The following GALNT12 variants were observed in gnomAD, a reference collection of about 807,000 sequenced individuals.
GALNT12 encodes the protein polypeptide N-acetylgalactosaminyltransferase 12.
In GALNT12, 45 loss-of-function variants were observed where a neutral mutation model predicts 55.5. The observed-to-expected ratio is 0.81, with a 90% CI of 0.64 to 1.04. The LOEUF (loss-of-function observed/expected upper bound fraction) is 1.04. Among genes scored for constraint, GALNT12 ranks in the 50% least tolerant of loss-of-function variants. GALNT12 has a pLI of 0.00. For missense variants in GALNT12, 709 were observed against 754.8 expected, an observed-to-expected ratio of 0.94 and a Z score of 0.71; for synonymous variants, 304 against 312.2, an observed-to-expected ratio of 0.97 and a Z score of 0.28.
rs936991784 is a variant in GALNT12 at position 98,849,071 on chromosome 9, C to A, written c.1725C>A (p.Phe575Leu). ...DCTNSDHQKW[F>L]FKERML ...CCAACTCGGATCATCAGAAATGGTT[C>A]TTCAAAGAGCGCATGTTATGAAGCC... The change falls in exon 10 of 10, where the codon TTC becomes TTA. Residue 575 changes from phenylalanine to leucine, a missense_variant. By Grantham distance (22) the Phe-to-Leu change is conservative (BLOSUM62 0). This residue lies in a region of GALNT12 where 262 missense variants were observed against 310.7 expected (regional missense o/e 0.84). Coordinates refer to ENST00000375011, the MANE Select transcript of GALNT12 (RefSeq NM_024642.5). 1 of 1,614,222 alleles carries A rather than the reference C, an allele frequency of 6.2e-7. No homozygotes were observed. The highest frequency in any genetic ancestry group is 8.5e-7 in the Non-Finnish European group (1 of 1,180,036).
chr9:98,836,416 G>T (rs1836146972), intron 5 of GALNT12, among the ~76,000 whole-genome samples: 1 of 152,190 alleles, frequency 6.6e-6, no homozygotes, highest in African/African-American at 2.4e-5. Context: ...TGCTGTGCTT[G>T]GTTGTCCCAT....
At chr9:98,840,221 C>A (rs2118471469) in intron 7 of GALNT12, 88 bp downstream of exon 7, 1 of 1,541,678 alleles carries the variant, frequency 6.5e-7, no homozygotes, top group Non-Finnish European at 8.9e-7. Context: ...AAGGCCACGT[C>A]ATGGGGAGCA....
chr9:98,841,971 C>A (rs759280625), intron 7 of GALNT12, among the ~76,000 whole-genome samples: 23 of 152,130 alleles, frequency 1.5e-4, no homozygotes, highest in Non-Finnish European at 2.5e-4. Flanking sequence ...AGCCACCATG[C>A]CCGGCCAAGG....
At chr9:98,842,120 T>C (rs1836305630) in intron 7 of GALNT12, among the ~76,000 whole-genome samples, 1 of 152,112 alleles carries the variant, frequency 6.6e-6, no homozygotes, top group Non-Finnish European at 1.5e-5. Context: ...TTTCTCTTCT[T>C]GAGTGTCATT....
chr9:98,841,878 A>G (rs570825646), intron 7 of GALNT12, among the ~76,000 whole-genome samples: 42 of 151,200 alleles, frequency 2.8e-4, no homozygotes, highest in African/African-American at 8.8e-4. Flanking sequence ...GGGTTTCACT[A>G]TGTTGGCCAG....
At chr9:98,837,550 C>T (rs970646220) in intron 6 of GALNT12, among the ~76,000 whole-genome samples, 2 of 152,164 alleles carry the variant, frequency 1.3e-5, no homozygotes, top group Admixed American at 6.5e-5. Context: ...GCTAACAGCA[C>T]GGTAACTCAT....
chr9:98,829,564 T>C (rs950754004), intron 3 of GALNT12, among the ~76,000 whole-genome samples: 1 of 151,862 alleles, frequency 6.6e-6, no homozygotes, highest in Non-Finnish European at 1.5e-5. Flanking sequence ...AACTGGTACG[T>C]CTTATTCATT....
chr9:98,830,286 C>T (rs1440651508), intron 3 of GALNT12, among the ~76,000 whole-genome samples: 1 of 152,176 alleles, frequency 6.6e-6, no homozygotes, highest in Non-Finnish European at 1.5e-5. Flanking sequence ...GAGTGGTAAC[C>T]CTTTCCATCC....
chr9:98,808,646 G>A (rs991558899), intron 1 of GALNT12, among the ~76,000 whole-genome samples: 2 of 152,212 alleles, frequency 1.3e-5, no homozygotes, highest in African/African-American at 2.4e-5. Flanking sequence ...GGCACGGGGT[G>A]GGAAGGGCTC....
chr9:98,846,736 T>C (rs1836425854), intron 9 of GALNT12, among the ~76,000 whole-genome samples: 1 of 151,644 alleles, frequency 6.6e-6, no homozygotes, highest in Non-Finnish European at 1.5e-5. Context: ...CATGCCCCTG[T>C]AGTCCCATCT....
rs1588436237 is a variant in GALNT12, at chr9:98,807,887, G to T, written c.189G>T (p.Pro63=). 8 of 1,112,248 alleles carry T rather than the reference G, an allele frequency of 7.2e-6. No individual in the cohort carries two copies. The highest frequency in any genetic ancestry group is 4.8e-5 in the East Asian group (1 of 20,956). The allele number at this position is 1,112,248 out of a possible 1,614,324, so 68.9% of individuals were successfully genotyped here. The change falls in exon 1 of 10, where the codon CCG becomes CCT. Residue 63 remains proline (P), a synonymous_variant. Transcript: ENST00000375011. ...PRTPRPGRRE[P]VMPRPPVPAN... ...CCCCGCGCCCCGGGCGGCGCGAGCC[G>T]GTCATGCCGCGGCCGCCGGTGCCGG...
intron 1 of GALNT12, among the ~76,000 whole-genome samples, chr9:98,815,204 C>A (rs140322521): frequency 6.6e-6 from 1 of 152,166 alleles, no homozygotes; most frequent in Non-Finnish European, 1.5e-5. Context: ...GATTTAAGAT[C>A]GTTTGACTTA....
At chr9:98,811,388 C>T (rs1212668636) in intron 1 of GALNT12, among the ~76,000 whole-genome samples, 3 of 152,188 alleles carry the variant, frequency 2.0e-5, no homozygotes, top group Admixed American at 1.3e-4. Context: ...ATCACTGTAA[C>T]ATCATTCTCA....
At chr9:98,813,831 A>G (rs1428634351) in intron 1 of GALNT12, among the ~76,000 whole-genome samples, 1 of 151,986 alleles carries the variant, frequency 6.6e-6, no homozygotes, top group Non-Finnish European at 1.5e-5. Flanking sequence ...CTTTTTATCA[A>G]GATTTTTTGG....
Position 98,823,436 on chromosome 9 carries a change from G to A in GALNT12, c.541+11G>A, listed in dbSNP as rs199886730. On this transcript the variant is annotated intron_variant, in intron 2 of 9. Coordinates refer to ENST00000375011, the MANE Select transcript of GALNT12 (RefSeq NM_024642.5). ...ACTACAGTGATAGAGGTGAGTCCCG[G>A]CCAGGGCTCTGGGAAGAGCCTGTCC... 7 of 1,613,124 alleles carry A rather than the reference G, an allele frequency of 4.3e-6. No homozygotes were observed. Among genetic ancestry groups the A allele is most frequent in the African/African-American group, 2.7e-5 (2 of 75,022 alleles).
At chr9:98,829,185 C>G (rs943415338) in intron 3 of GALNT12, among the ~76,000 whole-genome samples, 15 of 151,196 alleles carry the variant, frequency 9.9e-5, no homozygotes, top group African/African-American at 3.4e-4. Flanking sequence ...ATCTATCTAT[C>G]TATCTATCTA....
intron 2 of GALNT12, among the ~76,000 whole-genome samples, chr9:98,826,457 T>C (rs1232005167): frequency 6.6e-6 from 1 of 152,156 alleles, no homozygotes; most frequent in Admixed American, 6.5e-5. Context: ...TTTATTGAAA[T>C]ATATTCACAC....
rs1836491340 is a variant in GALNT12, at chr9:98,849,109, G to A, written c.*17G>A. ...ATGTTATGAAGCCTCGTGTATCAAG[G>A]AGCCCATCGAAGGAGACTGTGGAGC... On this transcript the variant is annotated 3_prime_UTR_variant, in exon 10 of 10. Coordinates refer to ENST00000375011, the MANE Select transcript of GALNT12 (RefSeq NM_024642.5). 2 of 1,613,916 alleles carry A rather than the reference G, an allele frequency of 1.2e-6. No individual in the cohort carries two copies. The highest frequency in any genetic ancestry group is 1.3e-5 in the African/African-American group (1 of 74,912).
intron 1 of GALNT12, among the ~76,000 whole-genome samples, chr9:98,813,208 G>C (rs907839378): frequency 1.3e-5 from 2 of 152,206 alleles, no homozygotes; most frequent in African/African-American, 4.8e-5. Flanking sequence ...TCTTGTTCAT[G>C]AAAGTTTTGC....
Sources: gnomAD v4.1 joint callset for allele counts (sites outside exome capture counted in the v4.1 genomes callset) on GRCh38, gnomAD v4.1.1 for gene constraint, gnomAD v4.1.1 regional missense constraint, MANE v1.5 for transcripts, NCBI Gene and HGNC (gene_info 2026-07-23, HGNC 2026-07-21) for gene names.